PSD3: variants seen among roughly 807,000 people sequenced by gnomAD.
The protein encoded by PSD3 is pleckstrin and Sec7 domain containing 3, also known as PH and SEC7 domain-containing protein 3.
Under a neutral mutation model 105.5 loss-of-function variants are expected in PSD3, and 49 were observed. That is an observed-to-expected ratio of 0.46 (90% CI 0.37 to 0.59). The LOEUF is 0.59. PSD3 is among the 20% of genes least tolerant of loss of function. PSD3 has a pLI of 0.00. For missense variants in PSD3, 1,561 were observed against 1,263.8 expected (o/e 1.24, Z -3.57); for synonymous variants, 557 against 457.8 (o/e 1.22, Z -2.77).
chr8:18,543,623 C>CA (rs537598474), intron 15 of PSD3, among the ~76,000 whole-genome samples: 230 of 133,636 alleles, frequency 1.7e-3, no homozygotes, highest in Admixed American at 2.2e-3. Flanking sequence ...CTCTCAAAAA[C>CA]AAAAAAAAAA....
intron 8 of PSD3, among the ~76,000 whole-genome samples, chr8:18,788,855 C>T (rs73199994): frequency 0.1 from 15,474 of 152,124 alleles, 914 homozygotes; most frequent in Admixed American, 0.16. Context: ...ATTTTGCATG[C>T]TTTGCTATCA....
rs1390865625 is a variant in PSD3, at chr8:18,776,260, C to CTA, written c.2083-10724_2083-10723dup. ...GGTTACCATGGCTCTCTCTCTCTCT[C>CTA]TATATATATATAATGTATAAATATA... On this transcript the variant is annotated intron_variant, in intron 8 of 15. Transcript: ENST00000327040. 3.8e-3 allele frequency among the ~76,000 whole-genome samples: 553 copies of CTA among 144,116 alleles called. 4 individuals are homozygous for CTA. The highest frequency in any genetic ancestry group is 0.013 in the African/African-American group (511 of 38,400). 94.5% of individuals were successfully genotyped at this position (144,116 alleles called of 152,430 possible).
intron 10 of PSD3, among the ~76,000 whole-genome samples, chr8:18,650,404 G>A (rs548000127): frequency 1.3e-5 from 2 of 152,304 alleles, no homozygotes; most frequent in South Asian, 2.1e-4. Context: ...TTATCAGCAG[G>A]CTGCATGATG....
intron 9 of PSD3, among the ~76,000 whole-genome samples, chr8:18,667,182 T>C (rs1009295159): frequency 6.6e-6 from 1 of 152,194 alleles, no homozygotes; most frequent in African/African-American, 2.4e-5. Context: ...ACCCACATCC[T>C]GCTGATTGGT....
chr8:18,828,838 C>A (rs1317531681), intron 4 of PSD3, among the ~76,000 whole-genome samples: 2 of 151,824 alleles, frequency 1.3e-5, no homozygotes, highest in African/African-American at 2.4e-5. Flanking sequence ...GGGGCACATA[C>A]CTGTAATCCC....
intron 9 of PSD3, chr8:18,720,778 A>G (rs975432454): frequency 2.0e-5 from 3 of 152,210 alleles, no homozygotes; most frequent in African/African-American, 7.2e-5. Flanking sequence ...AAACACACAC[A>G]TAATTACAAC....
In PSD3 at chr8:18,816,967, G is replaced by T. The variant is rs371190437; in HGVS notation, c.1635-12069C>A. ...GAAAGTACCATGTGAGTAGAAAATA[G>T]AAGGAACTGAGGATGTGGCTTTGCA... On this transcript the variant is annotated intron_variant, in intron 4 of 15. Transcript: ENST00000327040. Among the ~76,000 whole-genome samples, 4 of 152,284 alleles carry T rather than the reference G, an allele frequency of 2.6e-5. No homozygotes were observed. The South Asian group carries it at 6.2e-4, about 24-fold the overall frequency.
At chr8:18,865,199 A>ACCAAACTG (rs1214128170) in intron 4 of PSD3, 8 of 122,862 alleles carry the variant, frequency 6.5e-5, no homozygotes, top group African/African-American at 2.4e-4. Context: ...AAGATATCCC[A>ACCAAACTG]CCAAACTGGA....
intron 9 of PSD3, among the ~76,000 whole-genome samples, chr8:18,712,679 C>A (rs1245675405): frequency 6.6e-6 from 1 of 152,086 alleles, no homozygotes; most frequent in Non-Finnish European, 1.5e-5. Context: ...GGACCAGATG[C>A]ATTACAGCTG....
intron 1 of PSD3, among the ~76,000 whole-genome samples, chr8:18,939,085 C>T (rs1484648041): frequency 6.6e-6 from 1 of 152,124 alleles, no homozygotes. Context: ...GAAAAGATGC[C>T]ATCTATACAG....
intron 4 of PSD3, among the ~76,000 whole-genome samples, chr8:18,822,336 AT>A (rs1158987131): frequency 6.6e-6 from 1 of 152,210 alleles, no homozygotes; most frequent in Non-Finnish European, 1.5e-5. Flanking sequence ...TCCAAAGGAC[AT>A]CATTCAGGCA....
chr8:18,927,570 A>C (rs986096824), intron 2 of PSD3, among the ~76,000 whole-genome samples: 4 of 152,176 alleles, frequency 2.6e-5, no homozygotes, highest in African/African-American at 9.7e-5. Context: ...TCATTGGCCA[A>C]CTTAACCTTC....
chr8:18,728,413 A>C (rs1803486958), intron 9 of PSD3, among the ~76,000 whole-genome samples: 1 of 152,250 alleles, frequency 6.6e-6, no homozygotes, highest in Non-Finnish European at 1.5e-5. Flanking sequence ...CTTTGATGAC[A>C]GGGAAGGCTT....
intron 11 of PSD3, among the ~76,000 whole-genome samples, chr8:18,627,289 G>C (rs1806555398): frequency 6.6e-6 from 1 of 151,984 alleles, no homozygotes; most frequent in Admixed American, 6.6e-5. Context: ...AAGGAGTTTA[G>C]TGATGCTGAG....
chr8:18,821,744 G>A (rs968583109), intron 4 of PSD3, among the ~76,000 whole-genome samples: 1 of 111,716 alleles, frequency 9.0e-6, no homozygotes, highest in African/African-American at 3.4e-5. Flanking sequence ...CCAATTCCAG[G>A]TGGCTCTTAA....
intron 9 of PSD3, among the ~76,000 whole-genome samples, chr8:18,677,530 G>T (rs1417033894): frequency 6.6e-6 from 1 of 152,210 alleles, no homozygotes; most frequent in African/African-American, 2.4e-5. Context: ...AGAAGACAGA[G>T]CAATATTGTG....
At chr8:19,079,891 C>CT (rs11462511) in intron 1 of PSD3, among the ~76,000 whole-genome samples, 61,033 of 136,474 alleles carry the variant, frequency 0.45, 16,108 homozygotes, top group Non-Finnish European at 0.59. Context: ...AAGAAAATAG[C>CT]TTTTTTTTTT....
chr8:18,744,526 A>G (rs935741592), intron 9 of PSD3, among the ~76,000 whole-genome samples: 1 of 152,210 alleles, frequency 6.6e-6, no homozygotes, highest in Non-Finnish European at 1.5e-5. Flanking sequence ...TTGCTATTGT[A>G]TACAATGCTG....
intron 9 of PSD3, among the ~76,000 whole-genome samples, chr8:18,687,164 T>A (rs1282821794): frequency 6.6e-6 from 1 of 152,182 alleles, no homozygotes; most frequent in East Asian, 1.9e-4. Context: ...CATTCAACTT[T>A]CTTTTAAAGA....
Sources: allele counts gnomAD v4.1 joint callset (sites outside exome capture counted in the v4.1 genomes callset), GRCh38; gene constraint gnomAD v4.1.1; transcripts MANE v1.5; gene names NCBI Gene and HGNC (gene_info 2026-07-23, HGNC 2026-07-21).